The following MCC variants were observed in gnomAD, a reference collection of about 807,000 sequenced individuals.
MCC encodes the protein colorectal mutant cancer protein.
MCC carries 90 observed loss-of-function variants against 116.2 expected under a neutral mutation model. That is an observed-to-expected ratio of 0.77 (90% CI 0.65 to 0.92). The LOEUF is 0.92. MCC is among the 40% of genes least tolerant of loss of function. The pLI is 0.00. For synonymous variants in MCC, 578 were observed against 510.5 expected (o/e 1.13, Z -1.78); for missense variants, 1,516 against 1,312.2 (o/e 1.16, Z -2.40).
intron 5 of MCC, among the ~76,000 whole-genome samples, chr5:113,142,774 A>T (rs1412858890): frequency 6.6e-6 from 1 of 152,238 alleles, no homozygotes; most frequent in Non-Finnish European, 1.5e-5. Context: ...AGCTACATTC[A>T]TAAATCTCTC....
intron 1 of MCC, among the ~76,000 whole-genome samples, chr5:113,476,023 T>C (rs897480237): frequency 3.9e-5 from 6 of 152,174 alleles, no homozygotes; most frequent in Non-Finnish European, 2.9e-5. Flanking sequence ...CTTCCACTGA[T>C]ATGTTGACTC....
At chr5:113,445,090 T>C (rs150267838) in intron 1 of MCC, among the ~76,000 whole-genome samples, 45 of 152,312 alleles carry the variant, frequency 3.0e-4, no homozygotes, top group African/African-American at 1.1e-3. Context: ...ATTCTCTCCA[T>C]CTTGGAGTAT....
intron 1 of MCC, among the ~76,000 whole-genome samples, chr5:113,472,190 T>G (rs1399567911): frequency 2.0e-5 from 3 of 152,142 alleles, no homozygotes; most frequent in African/African-American, 7.2e-5. Context: ...TGTCTGGCAC[T>G]CCCCAGTGAG....
intron 3 of MCC, among the ~76,000 whole-genome samples, chr5:113,312,021 G>A (rs980310566): frequency 6.6e-6 from 1 of 151,936 alleles, no homozygotes; most frequent in Non-Finnish European, 1.5e-5. Context: ...CAGGAGAATC[G>A]CTTGAAACCG....
intron 11 of MCC, among the ~76,000 whole-genome samples, chr5:113,073,476 A>C (rs977469929): frequency 5.3e-5 from 8 of 152,226 alleles, no homozygotes; most frequent in African/African-American, 1.9e-4. Flanking sequence ...ACTTCGAATA[A>C]AGAGTAAAAT....
rs1367004302 is a variant in MCC, at chr5:113,428,312, G to A, written c.171-43100C>T. 2.0e-5 allele frequency among the ~76,000 whole-genome samples: 3 copies of A among 152,062 alleles called. No homozygotes were observed. The East Asian group carries it at 5.8e-4, about 29-fold the overall frequency. Reference sequence around the variant, plus strand: ...ACCCCTGCCCTCACCCTTATTCCCTGTAGTGGATGCTGGGATGCAGCACCA... The same window carrying A: ...ACCCCTGCCCTCACCCTTATTCCCTATAGTGGATGCTGGGATGCAGCACCA... On this transcript the variant is annotated intron_variant, in intron 1 of 18. Transcript: ENST00000408903.
chr5:113,139,427 A>G (rs1759043402), intron 5 of MCC, among the ~76,000 whole-genome samples: 1 of 152,140 alleles, frequency 6.6e-6, no homozygotes, highest in Admixed American at 6.5e-5. Flanking sequence ...CATCGGTCCA[A>G]CTGAGTTCCT....
At chr5:113,091,780 G>A (rs955860067) in intron 8 of MCC, among the ~76,000 whole-genome samples, 3 of 152,106 alleles carry the variant, frequency 2.0e-5, no homozygotes, top group African/African-American at 7.2e-5. Flanking sequence ...AGCTACTCAG[G>A]AGGCTGAGGT....
chr5:113,056,023 A>G (rs1243503005), intron 14 of MCC, among the ~76,000 whole-genome samples: 7 of 152,238 alleles, frequency 4.6e-5, no homozygotes, highest in Non-Finnish European at 5.9e-5. Context: ...CCAATTCCTT[A>G]AAATAAATCA....
At chr5:113,286,847 T>C (rs548833624) in intron 3 of MCC, among the ~76,000 whole-genome samples, 1 of 152,326 alleles carries the variant, frequency 6.6e-6, no homozygotes, top group African/African-American at 2.4e-5. Context: ...CCTGTGGCAA[T>C]GAAAACCCTT....
intron 1 of MCC, among the ~76,000 whole-genome samples, chr5:113,455,174 T>C (rs1771507885): frequency 6.6e-6 from 1 of 152,006 alleles, no homozygotes; most frequent in African/African-American, 2.4e-5. Context: ...TTCCTGGTCA[T>C]CCTCAACTTG....
intron 2 of MCC, among the ~76,000 whole-genome samples, chr5:113,344,991 G>A (rs781114170): frequency 7.2e-5 from 11 of 152,114 alleles, no homozygotes; most frequent in Non-Finnish European, 1.5e-4. Flanking sequence ...CAGGCTCTTG[G>A]ACAGCATTTC....
At chr5:113,431,022 G>C (rs1770624562) in intron 1 of MCC, among the ~76,000 whole-genome samples, 1 of 152,176 alleles carries the variant, frequency 6.6e-6, no homozygotes, top group Non-Finnish European at 1.5e-5. Context: ...AGTGGCAACA[G>C]AGAAGTATGA....
rs142567159 is a variant in MCC, at chr5:113,144,380, G to A, written c.742-1020C>T. Among the ~76,000 whole-genome samples, 120 of 152,206 alleles carry A rather than the reference G, an allele frequency of 7.9e-4. 3 individuals carry two copies. In the East Asian group the frequency reaches 0.019, roughly 24 times the overall value. On this transcript the variant is annotated intron_variant, in intron 4 of 18. Transcript: ENST00000408903. The stretch of plus-strand genomic sequence containing the variant: ...GCTTGCGTCCTTGTCTACTACACTC[G>A]GCTTCGATTAATTTCCTGTCAGCAG...
At position 113,025,310 on chromosome 5, in the gene MCC, T is replaced by C. The variant is rs1324404075; in HGVS notation, c.*1992A>G. ...TTCCTCATGATAAAATGCAACTTTA[T>C]ATGAAAAGTGAAAAATTCTAAAAAA... On this transcript the variant is annotated 3_prime_UTR_variant, in exon 19 of 19. Transcript: ENST00000408903. 1 of 151,614 alleles carries C rather than the reference T, an allele frequency of 6.6e-6. No individual in the cohort carries two copies. Among genetic ancestry groups the C allele is most frequent in the African/African-American group, 2.4e-5 (1 of 41,254 alleles). The allele number at this position is 151,614 out of a possible 1,614,324, so 9.4% of individuals were successfully genotyped here.
rs565974712 is a variant in MCC at position 113,407,851 on chromosome 5, C to T, written c.171-22639G>A. 3.9e-5 allele frequency among the ~76,000 whole-genome samples: 6 copies of T among 152,196 alleles called. No homozygotes were observed. The East Asian group carries it at 5.8e-4, about 15-fold the overall frequency. ...TGTGTTGTTCCCCTCTCTGTGTCCA[C>T]GTGTTTGCATTGTTCAACTCCCACT... On this transcript the variant is annotated intron_variant, in intron 1 of 18. Coordinates refer to ENST00000408903, the MANE Select transcript of MCC (RefSeq NM_001085377.2).
Position 113,255,026 on chromosome 5 carries a change from G to C in MCC, c.627+85493C>G, listed in dbSNP as rs907142073. Reference sequence around the variant, plus strand: ...CTAAAAATACAAAAATTAGCTGGGCGTGGTGGCAGATGCCTGTAATCCCAG... The same window carrying C: ...CTAAAAATACAAAAATTAGCTGGGCCTGGTGGCAGATGCCTGTAATCCCAG... On this transcript the variant is annotated intron_variant, in intron 3 of 18. Transcript: ENST00000408903. 2.6e-5 allele frequency among the ~76,000 whole-genome samples: 4 copies of C among 152,132 alleles called. No homozygotes were observed. The East Asian group carries it at 7.7e-4, about 29-fold the overall frequency.
At chr5:113,152,604 CTT>C (rs1296607535) in intron 3 of MCC, among the ~76,000 whole-genome samples, 1 of 152,194 alleles carries the variant, frequency 6.6e-6, no homozygotes, top group African/African-American at 2.4e-5. Flanking sequence ...TCATTTGAGG[CTT>C]AGAAAAATGT....
intron 3 of MCC, among the ~76,000 whole-genome samples, chr5:113,161,825 A>G (rs931977179): frequency 6.6e-6 from 1 of 152,220 alleles, no homozygotes; most frequent in African/African-American, 2.4e-5. Flanking sequence ...ATCATTTTTA[A>G]ATGCATTCCC....
Sources: allele counts gnomAD v4.1 joint callset (sites outside exome capture counted in the v4.1 genomes callset), GRCh38; gene constraint gnomAD v4.1.1; transcripts MANE v1.5; gene names NCBI Gene and HGNC (gene_info 2026-07-23, HGNC 2026-07-21).